Variants in NRG4 observed in about 807,000 individuals in gnomAD.
NRG4 encodes pro-neuregulin-4, membrane-bound isoform.
A neutral mutation model predicts 15.0 loss-of-function variants in NRG4; 10 were observed. That is an observed-to-expected ratio of 0.67 (90% CI 0.41 to 1.13). NRG4 has a LOEUF of 1.13. Ranked by LOEUF, NRG4 falls within the 50% of genes most tolerant of loss-of-function variation. The pLI is 0.00. For synonymous variants in NRG4, 41 were observed against 50.1 expected (o/e 0.82, Z 0.77); for missense variants, 139 against 140.2 (o/e 0.99, Z 0.04).
chr15:75,993,295 T>C (rs1245815946), intron 3 of NRG4, among the ~76,000 whole-genome samples: 1 of 151,026 alleles, frequency 6.6e-6, no homozygotes, highest in East Asian at 1.9e-4. Flanking sequence ...ATATTGTTTT[T>C]TTTTTTTTCC....
chr15:75,944,039 C>G lies in NRG4; in HGVS notation c.332-385G>C, dbSNP rs1000105515. On this transcript the variant is annotated intron_variant, in intron 5 of 5. Coordinates refer to ENST00000394907, the MANE Select transcript of NRG4 (RefSeq NM_138573.4). Reference sequence around the variant, plus strand: ...AGATTGCTAGAGTGAGTCACTGTAACAGCAATGACAATAATAGATGGCAAG... The same window carrying G: ...AGATTGCTAGAGTGAGTCACTGTAAGAGCAATGACAATAATAGATGGCAAG... 2.6e-5 allele frequency among the ~76,000 whole-genome samples: 4 copies of G among 151,852 alleles called. 1 individual carries two copies. The highest frequency in any genetic ancestry group is 2.6e-4 in the Admixed American group (4 of 15,226).
chr15:75,959,396 A>ATTTCTG (rs2032406012), intron 4 of NRG4, among the ~76,000 whole-genome samples: 1 of 152,140 alleles, frequency 6.6e-6, no homozygotes, highest in East Asian at 1.9e-4. Context: ...TTATCTTATG[A>ATTTCTG]GCATATGATT....
exon 1 of NRG4, chr15:76,059,691 A>C (rs1299821552): frequency 6.6e-6 from 1 of 151,192 alleles, no homozygotes; most frequent in East Asian, 1.9e-4. Context: ...GCAGCCCCGG[A>C]GACAGCCGAG....
intron 3 of NRG4, among the ~76,000 whole-genome samples, chr15:75,979,118 T>C (rs913015311): frequency 6.6e-6 from 1 of 152,242 alleles, no homozygotes; most frequent in Non-Finnish European, 1.5e-5. Context: ...AGAAGCTTTC[T>C]AGCCTGATGT....
At chr15:76,016,367 G>A (rs1410249451), upstream of NRG4, among the ~76,000 whole-genome samples, 1 of 151,940 alleles carries the variant, frequency 6.6e-6, no homozygotes, top group Admixed American at 6.6e-5. Context: ...GTTATTTCTT[G>A]TCTTCTGCTA....
intron 5 of NRG4, among the ~76,000 whole-genome samples, chr15:76,031,846 C>T (rs150689490): frequency 1.6e-3 from 246 of 152,264 alleles, no homozygotes; most frequent in Admixed American, 3.0e-3. Flanking sequence ...CCGAGTGAGA[C>T]TCTGTCTCAA....
At chr15:75,944,954 A>G (rs1156405438) in intron 5 of NRG4, among the ~76,000 whole-genome samples, 1 of 136,874 alleles carries the variant, frequency 7.3e-6, no homozygotes, top group Non-Finnish European at 1.7e-5. Context: ...TTTTTTTAAT[A>G]CTTTTTTTTT....
At chr15:75,994,241 G>T (rs58897892) in intron 3 of NRG4, among the ~76,000 whole-genome samples, 2,654 of 152,180 alleles carry the variant, frequency 0.017, 90 homozygotes, top group African/African-American at 0.061. Context: ...GCCTTACCTG[G>T]GCTATCTGGA....
chr15:76,015,457 A>G (rs554317176), upstream of NRG4, among the ~76,000 whole-genome samples: 818 of 152,340 alleles, frequency 5.4e-3, 2 homozygotes, highest in Non-Finnish European at 9.4e-3. Flanking sequence ...TTGCCCATTC[A>G]GTATGATATT....
chr15:75,949,281 CAT>C (rs2031734967), intron 5 of NRG4, among the ~76,000 whole-genome samples: 1 of 151,764 alleles, frequency 6.6e-6, no homozygotes, highest in South Asian at 2.1e-4. Flanking sequence ...TGTAGTGGCA[CAT>C]GTGTGTAGTC....
At chr15:75,944,489 C>T (rs988864062) in intron 5 of NRG4, among the ~76,000 whole-genome samples, 5 of 152,006 alleles carry the variant, frequency 3.3e-5, no homozygotes, top group African/African-American at 1.2e-4. Flanking sequence ...AAAGATTGCC[C>T]GGGGAGGCTT....
At chr15:76,018,254 C>T (rs1212713257) in intron 5 of NRG4, among the ~76,000 whole-genome samples, 1 of 152,024 alleles carries the variant, frequency 6.6e-6, no homozygotes, top group African/African-American at 2.4e-5. Context: ...TCTTAGCTTC[C>T]TTGCATTGAG....
intron 3 of NRG4, among the ~76,000 whole-genome samples, chr15:75,973,243 G>T (rs185282695): frequency 1.2e-4 from 18 of 152,318 alleles, no homozygotes. Flanking sequence ...CGTTGCTGAA[G>T]TTGTTTTTCA....
At chr15:76,022,095 G>T (rs1026942744) in intron 5 of NRG4, among the ~76,000 whole-genome samples, 7 of 152,194 alleles carry the variant, frequency 4.6e-5, no homozygotes, top group Non-Finnish European at 1.0e-4. Context: ...TTGCTTGCCT[G>T]CTGCTCACCT....
intron 5 of NRG4, among the ~76,000 whole-genome samples, chr15:76,024,573 T>C (rs780871567): frequency 6.6e-6 from 1 of 152,204 alleles, no homozygotes; most frequent in Non-Finnish European, 1.5e-5. Context: ...AACCTCAGAC[T>C]GGCTGAGCAA....
intron 4 of NRG4, among the ~76,000 whole-genome samples, chr15:76,048,727 C>T (rs1320647674): frequency 1.3e-5 from 2 of 150,372 alleles, no homozygotes; most frequent in African/African-American, 2.5e-5. Context: ...GCCCTTGAAG[C>T]CTAGAAACTC....
rs1567116206 is a variant in NRG4, at chr15:76,023,176, ACACACAC to A, written c.-56-11897_-56-11891del. Among the ~76,000 whole-genome samples the A allele has an allele frequency of 6.1e-4, 87 of 141,536 alleles. No individual in the cohort carries two copies. The East Asian group carries it at 7.8e-3, about 13-fold the overall frequency. The allele number at this position is 141,536 out of a possible 152,430, so 92.9% of individuals were successfully genotyped here. On this transcript the variant is annotated intron_variant, in intron 5 of 8. Coordinates refer to the NRG4 transcript ENST00000563910. ...CACACACACACACACACACACACAC[ACACACAC>A]AAGCAAGGACCAAGGCAATGAATAA...
chr15:75,970,507 G>A (rs1174667245), intron 3 of NRG4, among the ~76,000 whole-genome samples: 1 of 152,234 alleles, frequency 6.6e-6, no homozygotes, highest in Non-Finnish European at 1.5e-5. Context: ...AGGCAGCAGG[G>A]ACCGTCCCAG....
intron 3 of NRG4, among the ~76,000 whole-genome samples, chr15:75,985,626 G>C (rs2033772669): frequency 6.6e-6 from 1 of 152,152 alleles, no homozygotes; most frequent in Admixed American, 6.6e-5. Context: ...ATAGAGAACT[G>C]TATGCCAACT....
Sources: allele counts gnomAD v4.1 joint callset (sites outside exome capture counted in the v4.1 genomes callset), GRCh38; gene constraint gnomAD v4.1.1; transcripts MANE v1.5; gene names NCBI Gene and HGNC (gene_info 2026-07-23, HGNC 2026-07-21).